Variants in MARCHF4 observed in about 807,000 individuals in gnomAD.
The protein encoded by MARCHF4 is E3 ubiquitin-protein ligase MARCHF4.
Under a neutral mutation model 43.9 loss-of-function variants are expected in MARCHF4, and 14 were observed. That is an observed-to-expected ratio of 0.32 (90% CI 0.21 to 0.50). MARCHF4 has a LOEUF of 0.50. Ranked by LOEUF, MARCHF4 falls within the 20% of genes least tolerant of loss-of-function variation. The pLI is 0.98. For missense variants in MARCHF4, 468 were observed against 536.7 expected, an observed-to-expected ratio of 0.87 and a Z score of 1.27; for synonymous variants, 226 against 213.3, an observed-to-expected ratio of 1.06 and a Z score of -0.52.
intron 1 of MARCHF4, among the ~76,000 whole-genome samples, chr2:216,311,637 T>C (rs1574472332): frequency 6.6e-6 from 1 of 152,338 alleles, no homozygotes; most frequent in South Asian, 2.1e-4. Flanking sequence ...TGAACATTTT[T>C]AGTAAAAATT....
At chr2:216,368,520 G>C (rs1284217636) in intron 1 of MARCHF4, among the ~76,000 whole-genome samples, 1 of 152,218 alleles carries the variant, frequency 6.6e-6, no homozygotes, top group Non-Finnish European at 1.5e-5. Context: ...CTGGTCCCCA[G>C]AGTTCTTTGT....
chr2:216,368,970 G>A (rs1225729527), intron 1 of MARCHF4, among the ~76,000 whole-genome samples: 1 of 152,144 alleles, frequency 6.6e-6, no homozygotes, highest in Non-Finnish European at 1.5e-5. Context: ...ATGAGAGTTG[G>A]CATCCCTATC....
intron 2 of MARCHF4, among the ~76,000 whole-genome samples, chr2:216,278,228 TTA>T (rs1360550178): frequency 6.6e-6 from 1 of 151,842 alleles, no homozygotes; most frequent in African/African-American, 2.4e-5. Context: ...TTTTATTTAT[TTA>T]TTTATTTATT....
chr2:216,338,283 G>C (rs1692186975), intron 1 of MARCHF4, among the ~76,000 whole-genome samples: 1 of 149,852 alleles, frequency 6.7e-6, no homozygotes, highest in Admixed American at 6.6e-5. Context: ...CTCTTCTGCT[G>C]TCTCTCCCAG....
chr2:216,276,640 T>C (rs867045637), intron 3 of MARCHF4, among the ~76,000 whole-genome samples: 9 of 152,324 alleles, frequency 5.9e-5, no homozygotes, highest in Middle Eastern at 3.4e-3. Flanking sequence ...AGCTAATAGA[T>C]ATTTTTCTGC....
chr2:216,317,161 G>C, intron 1 of MARCHF4, among the ~76,000 whole-genome samples: 1 of 152,166 alleles, frequency 6.6e-6, no homozygotes, highest in African/African-American at 2.4e-5. Context: ...TCTTTATAGA[G>C]GACCTGCTCT....
chr2:216,302,988 C>T (rs1410699966), intron 1 of MARCHF4, among the ~76,000 whole-genome samples: 2 of 151,314 alleles, frequency 1.3e-5, no homozygotes, highest in South Asian at 4.2e-4. Context: ...AATTTGTAAT[C>T]CCCCCAAAAT....
intron 1 of MARCHF4, among the ~76,000 whole-genome samples, chr2:216,368,624 C>A (rs1001476151): frequency 6.6e-6 from 1 of 152,214 alleles, no homozygotes; most frequent in Non-Finnish European, 1.5e-5. Context: ...CCAGTCAAAG[C>A]CTGGCATGGC....
chr2:216,317,789 G>T (rs550504096), intron 1 of MARCHF4, among the ~76,000 whole-genome samples: 2 of 152,146 alleles, frequency 1.3e-5, no homozygotes, highest in African/African-American at 4.8e-5. Context: ...TGACCGGGTC[G>T]TGTGGTGATG....
chr2:216,265,580 C>T (rs769941470), intron 3 of MARCHF4: 27 of 152,118 alleles, frequency 1.8e-4, no homozygotes, highest in Non-Finnish European at 3.1e-4. Context: ...ACTACAGCCT[C>T]GACCTCCTGG....
At chr2:216,369,000 G>T (rs550132855) in intron 1 of MARCHF4, among the ~76,000 whole-genome samples, 18 of 152,298 alleles carry the variant, frequency 1.2e-4, no homozygotes, top group Non-Finnish European at 1.9e-4. Flanking sequence ...GAGCATTTAA[G>T]GGATTTTCTA....
chr2:216,298,166 C>G (rs568552622), intron 1 of MARCHF4, among the ~76,000 whole-genome samples: 1 of 152,078 alleles, frequency 6.6e-6, no homozygotes, highest in African/African-American at 2.4e-5. Flanking sequence ...TCCATCCACC[C>G]TGAAAAGTTC....
At chr2:216,319,730 G>A (rs533180001) in intron 1 of MARCHF4, among the ~76,000 whole-genome samples, 6 of 151,142 alleles carry the variant, frequency 4.0e-5, no homozygotes, top group African/African-American at 1.5e-4. Flanking sequence ...GGTAATGGGA[G>A]AAACAGGATT....
chr2:216,275,948 A>T (rs1003321101), intron 3 of MARCHF4, among the ~76,000 whole-genome samples: 1 of 152,200 alleles, frequency 6.6e-6, no homozygotes, highest in Non-Finnish European at 1.5e-5. Context: ...CAGCATGAGG[A>T]GACACTCAGA....
At chr2:216,303,827 G>A (rs563805885) in intron 1 of MARCHF4, among the ~76,000 whole-genome samples, 2 of 152,268 alleles carry the variant, frequency 1.3e-5, no homozygotes, top group African/African-American at 4.8e-5. Context: ...ATTATACAAA[G>A]GTTCTGTAGA....
rs1362720938 is a variant in MARCHF4 at position 216,370,385 on chromosome 2, T to A, written c.-125A>T. The A allele has an allele frequency of 2.4e-5, 16 of 674,504 alleles. No homozygotes were observed. In the African/African-American group the frequency reaches 2.7e-4, roughly 11 times the overall value. The allele number at this position is 674,504 out of a possible 1,614,324, so 41.8% of individuals were successfully genotyped here. ...GGGAGTCTGCTTTCTCACTGGCTTT[T>A]CTTACAACCCCTCCAAGTAGCAAAT... On this transcript the variant is annotated 5_prime_UTR_variant, in exon 1 of 4. Coordinates refer to ENST00000273067, the MANE Select transcript of MARCHF4 (RefSeq NM_020814.3).
intron 1 of MARCHF4, among the ~76,000 whole-genome samples, chr2:216,341,305 C>A (rs1470746165): frequency 6.6e-6 from 1 of 152,166 alleles, no homozygotes; most frequent in Non-Finnish European, 1.5e-5. Context: ...ACTTTGGCTA[C>A]CCACAAGGCA....
chr2:216,307,075 G>A (rs572630428), intron 1 of MARCHF4, among the ~76,000 whole-genome samples: 1 of 152,150 alleles, frequency 6.6e-6, no homozygotes, highest in African/African-American at 2.4e-5. Context: ...GGAGCAGCAC[G>A]ACTTCCTCTC....
chr2:216,312,933 A>T (rs756198955), intron 1 of MARCHF4, among the ~76,000 whole-genome samples: 1 of 151,750 alleles, frequency 6.6e-6, no homozygotes, highest in South Asian at 2.1e-4. Flanking sequence ...TGCTTTTGGG[A>T]TCTTCATTGT....
Sources: gnomAD v4.1 joint callset for allele counts (sites outside exome capture counted in the v4.1 genomes callset) on GRCh38, gnomAD v4.1.1 for gene constraint, MANE v1.5 for transcripts, NCBI Gene and HGNC (gene_info 2026-07-23, HGNC 2026-07-21) for gene names.